MEPE: variants seen among roughly 807,000 people sequenced by gnomAD.
MEPE encodes the protein matrix extracellular phosphoglycoprotein.
In MEPE, 7 loss-of-function variants were observed where a neutral mutation model predicts 7.3. That is an observed-to-expected ratio of 0.95 (90% CI 0.54 to 1.79). The LOEUF (loss-of-function observed/expected upper bound fraction) is 1.79. Ranked by LOEUF, MEPE falls within the 40% of genes most tolerant of loss-of-function variation. The probability of loss-of-function intolerance (pLI) is 0.00; values close to 1 mark genes in which losing one functional copy is unlikely to be tolerated. For synonymous variants in MEPE, 214 were observed against 213.1 expected (o/e 1.00, Z -0.04); for missense variants, 623 against 628.2 (o/e 0.99, Z 0.09).
At position 87,840,418 on chromosome 4, in the gene MEPE, G is replaced by A. The variant is rs1186381742; in HGVS notation, c.108+1733G>A. On this transcript the variant is annotated intron_variant, in intron 3 of 3. Transcript: ENST00000361056. ...TTCCAAATCTGGTTTTATTTCCCAT[G>A]GAAGTAATAGTTTCCCTTCAGAATG... 5.3e-5 allele frequency among the ~76,000 whole-genome samples: 8 copies of A among 152,138 alleles called. No homozygotes were observed. In the East Asian group the frequency reaches 5.8e-4, roughly 11 times the overall value.
chr4:87,843,064 A>C (rs1419150845), intron 3 of MEPE, among the ~76,000 whole-genome samples: 3 of 152,052 alleles, frequency 2.0e-5, no homozygotes, highest in Non-Finnish European at 4.4e-5. Context: ...ATTCCAGTCC[A>C]TTTTAGTTAT....
intron 3 of MEPE, among the ~76,000 whole-genome samples, chr4:87,844,056 T>G (rs1014129658): frequency 6.6e-6 from 1 of 152,186 alleles, no homozygotes; most frequent in Non-Finnish European, 1.5e-5. Flanking sequence ...CAATTTAGAC[T>G]TCTCCCTGTT....
Position 87,838,481 on chromosome 4 carries a change from G to A in MEPE, c.55-151G>A, listed in dbSNP as rs143780210. The A allele has an allele frequency of 3.8e-4, 252 of 657,270 alleles. 1 individual carries two copies. Among genetic ancestry groups the A allele is most frequent in the African/African-American group, 2.5e-3 (139 of 54,924 alleles). The allele number at this position is 657,270 out of a possible 1,614,324, so 40.7% of individuals were successfully genotyped here. ...ATTGAAACAAATATTATATTAATGCGATGAGTGTGTCAATCTTCTTTTGGT... is the reference window on the plus strand; with the variant it reads ...ATTGAAACAAATATTATATTAATGCAATGAGTGTGTCAATCTTCTTTTGGT... On this transcript the variant is annotated intron_variant, in intron 2 of 3. Coordinates refer to ENST00000361056, the MANE Select transcript of MEPE (RefSeq NM_020203.6).
chr4:87,827,484 G>T (rs577799498), intron 1 of MEPE, among the ~76,000 whole-genome samples: 2 of 152,178 alleles, frequency 1.3e-5, no homozygotes, highest in East Asian at 1.9e-4. Flanking sequence ...TGAATAGCTA[G>T]CTGGTAAAAG....
chr4:87,831,312 ACT>A (rs936473063), upstream of MEPE, among the ~76,000 whole-genome samples: 8 of 152,028 alleles, frequency 5.3e-5, no homozygotes, highest in African/African-American at 1.4e-4. Flanking sequence ...CTAAATCCAA[ACT>A]CACAATATTT....
chr4:87,841,910 A>G (rs945730024), intron 3 of MEPE, among the ~76,000 whole-genome samples: 2 of 152,244 alleles, frequency 1.3e-5, no homozygotes, highest in African/African-American at 4.8e-5. Context: ...TTACATGACT[A>G]TCATTAATAT....
intron 1 of MEPE, among the ~76,000 whole-genome samples, chr4:87,822,658 C>T (rs940047277): frequency 6.6e-6 from 1 of 152,190 alleles, no homozygotes; most frequent in Non-Finnish European, 1.5e-5. Context: ...GGTCGTTCTG[C>T]TACTGAGGAG....
chr4:87,829,332 C>T (rs1211665699), upstream of MEPE, among the ~76,000 whole-genome samples: 3 of 151,846 alleles, frequency 2.0e-5, no homozygotes, highest in Admixed American at 2.0e-4. Flanking sequence ...GCCAGTTCAC[C>T]CCTTGGTAGG....
chr4:87,827,084 T>A (rs542534743), intron 1 of MEPE, among the ~76,000 whole-genome samples: 2 of 150,584 alleles, frequency 1.3e-5, no homozygotes, highest in East Asian at 1.9e-4. Flanking sequence ...GACAGAGTGA[T>A]CATGTGGAGA....
chr4:87,838,655 A>G lies in MEPE; in HGVS notation c.78A>G (p.Lys26=), dbSNP rs759200790. Reference sequence around the variant, plus strand: ...AGACATTTCAACCACAGACTGAGAAAACTAAGCAAAGCTGTGTGGAAGAGC... The same window carrying G: ...AGACATTTCAACCACAGACTGAGAAGACTAAGCAAAGCTGTGTGGAAGAGC... ...AAPTFQPQTE[K]TKQSCVEEQR... The change falls in exon 3 of 4, where the codon AAA becomes AAG. Residue 26 remains lysine (K), a synonymous_variant. Transcript: ENST00000361056. The G allele has an allele frequency of 9.3e-6, 15 of 1,613,658 alleles. No homozygotes were observed. In the South Asian group the frequency reaches 1.3e-4, roughly 14 times the overall value.
At chr4:87,825,194 A>T (rs1722429943) in intron 1 of MEPE, among the ~76,000 whole-genome samples, 1 of 152,138 alleles carries the variant, frequency 6.6e-6, no homozygotes, top group African/African-American at 2.4e-5. Flanking sequence ...TTTTCACTAT[A>T]CTGTCTTTCA....
chr4:87,830,781 G>A (rs1298194750), upstream of MEPE, among the ~76,000 whole-genome samples: 6 of 151,246 alleles, frequency 4.0e-5, no homozygotes, highest in Admixed American at 4.0e-4. Context: ...AGGAAAAGCA[G>A]CTCTGGATAC....
At chr4:87,830,827 A>T (rs376780343), upstream of MEPE, among the ~76,000 whole-genome samples, 4 of 146,038 alleles carry the variant, frequency 2.7e-5, no homozygotes, top group South Asian at 2.1e-4. Context: ...ATATGATAAA[A>T]AAAAAAAAAG....
rs1478279764 is a variant in MEPE, at chr4:87,837,029, G to C, written c.55-1603G>C. ...CCATGGAGGTGCTTTCTAAACTTCTGAGTTTTATATTTTGAAGATGATTTT... is the reference window on the plus strand; with the variant it reads ...CCATGGAGGTGCTTTCTAAACTTCTCAGTTTTATATTTTGAAGATGATTTT... On this transcript the variant is annotated intron_variant, in intron 2 of 3. Coordinates refer to ENST00000361056, the MANE Select transcript of MEPE (RefSeq NM_020203.6). Among the ~76,000 whole-genome samples, 3 of 152,312 alleles carry C rather than the reference G, an allele frequency of 2.0e-5. No homozygotes were observed. In the East Asian group the frequency reaches 5.8e-4, roughly 29 times the overall value.
intron 1 of MEPE, among the ~76,000 whole-genome samples, chr4:87,833,673 A>T: frequency 6.6e-6 from 1 of 152,218 alleles, no homozygotes; most frequent in East Asian, 1.9e-4. Flanking sequence ...TAATAAGATC[A>T]ATAGTCCAAA....
At chr4:87,843,492 A>G (rs1723092833) in intron 3 of MEPE, among the ~76,000 whole-genome samples, 1 of 152,134 alleles carries the variant, frequency 6.6e-6, no homozygotes, top group Non-Finnish European at 1.5e-5. Context: ...CCATGTTCCA[A>G]TCTCTCAATA....
chr4:87,832,423 A>T (rs539802288), upstream of MEPE, among the ~76,000 whole-genome samples: 6 of 152,118 alleles, frequency 3.9e-5, no homozygotes, highest in East Asian at 1.2e-3. Context: ...TTCTCCTTAG[A>T]CTTAGTATAT....
upstream of MEPE, among the ~76,000 whole-genome samples, chr4:87,829,882 T>TTTTTG (rs1553915046): frequency 3.1e-3 from 449 of 142,768 alleles, 7 homozygotes; most frequent in African/African-American, 8.2e-3. Flanking sequence ...TTTTTTTTTT[T>TTTTTG]GGACTTTGCT....
At chr4:87,824,434 G>T (rs770131853) in intron 1 of MEPE, among the ~76,000 whole-genome samples, 2 of 152,218 alleles carry the variant, frequency 1.3e-5, no homozygotes, top group African/African-American at 4.8e-5. Context: ...ACATCAAATA[G>T]CTGCAGAGGG....
Sources: gnomAD v4.1 joint callset for allele counts (sites outside exome capture counted in the v4.1 genomes callset) on GRCh38, gnomAD v4.1.1 for gene constraint, MANE v1.5 for transcripts, NCBI Gene and HGNC (gene_info 2026-07-23, HGNC 2026-07-21) for gene names.